CCSER2: variants seen among roughly 807,000 people sequenced by gnomAD.
The protein encoded by CCSER2 is coiled-coil serine rich protein 2.
A neutral mutation model predicts 92.3 loss-of-function variants in CCSER2; 46 were observed. The observed-to-expected ratio is 0.50, with a 90% CI of 0.39 to 0.64. The LOEUF (loss-of-function observed/expected upper bound fraction) is 0.64. CCSER2 is among the 30% of genes least tolerant of loss of function. The pLI is 0.00. For synonymous variants in CCSER2, 433 were observed against 431.4 expected (o/e 1.00, Z -0.04); for missense variants, 1,244 against 1,238.9 (o/e 1.00, Z -0.06).
rs538159223 is a variant in CCSER2 at position 84,361,384 on chromosome 10, G to A, written c.-39-9630G>A. Among the ~76,000 whole-genome samples, 121 of 152,220 alleles carry A rather than the reference G, an allele frequency of 7.9e-4. 3 individuals are homozygous for A. The South Asian group carries it at 0.024, about 30-fold the overall frequency. ...GCCTTACAATAACAGCTTTCTGATG[G>A]GCTTATGAAAGGTTATGATTTTGAA... On this transcript the variant is annotated intron_variant, in intron 1 of 9. Transcript: ENST00000372088.
intron 1 of CCSER2, among the ~76,000 whole-genome samples, chr10:84,353,980 T>C (rs75370071): frequency 0.058 from 8,857 of 152,162 alleles, 372 homozygotes; most frequent in Admixed American, 0.1. Context: ...GGTGGATTAC[T>C]TGAGCTCTGG....
intron 7 of CCSER2, among the ~76,000 whole-genome samples, chr10:84,465,851 C>T (rs1285278003): frequency 2.6e-5 from 4 of 151,796 alleles, no homozygotes; most frequent in Non-Finnish European, 5.9e-5. Context: ...CCTGGGTTCA[C>T]GCCATTCTTC....
rs750601973 is a variant in CCSER2 at position 84,373,596 on chromosome 10, CA to C, written c.1418-22del. The C allele has an allele frequency of 3.2e-6, 5 of 1,548,788 alleles. No individual in the cohort carries two copies. In the South Asian group the frequency reaches 5.7e-5, roughly 18 times the overall value. On this transcript the variant is annotated intron_variant, in intron 2 of 9. Coordinates refer to ENST00000372088, the MANE Select transcript of CCSER2 (RefSeq NM_001284240.2). ...GAGAAACAATTATATTTTTGTGAAT[CA>C]GTAACCTTTTTTCTCTTGAAGACAG...
chr10:84,447,162 A>G (rs1443703068), intron 6 of CCSER2, among the ~76,000 whole-genome samples: 1 of 152,208 alleles, frequency 6.6e-6, no homozygotes, highest in African/African-American at 2.4e-5. Context: ...AGTTTACCCT[A>G]GAAAAACCAA....
chr10:84,501,840 TATATATATATATATATATACTC>T (rs960905612), intron 9 of CCSER2, among the ~76,000 whole-genome samples: 19 of 90,868 alleles, frequency 2.1e-4, no homozygotes, highest in African/African-American at 5.6e-4. Flanking sequence ...AAAAAATATA[TATATATATATATATATATACTC>T]ATATATATAT....
intron 3 of CCSER2, among the ~76,000 whole-genome samples, chr10:84,417,251 T>A (rs1333573524): frequency 6.6e-6 from 1 of 152,212 alleles, no homozygotes; most frequent in Admixed American, 6.5e-5. Flanking sequence ...TCTAGTCTTA[T>A]CATAGAAAAA....
chr10:84,428,300 T>G (rs559170721), intron 5 of CCSER2, among the ~76,000 whole-genome samples: 186 of 152,182 alleles, frequency 1.2e-3, no homozygotes, highest in Non-Finnish European at 2.2e-3. Flanking sequence ...TAGATTCTCA[T>G]AAGGGGTGTT....
At chr10:84,415,877 G>A (rs547612924) in intron 3 of CCSER2, among the ~76,000 whole-genome samples, 303 of 152,302 alleles carry the variant, frequency 2.0e-3, no homozygotes, top group Non-Finnish European at 3.6e-3. Flanking sequence ...GGGTCTTAAC[G>A]TGTAAGGTGC....
At chr10:84,503,637 A>G (rs1204337246) in intron 9 of CCSER2, among the ~76,000 whole-genome samples, 1 of 152,230 alleles carries the variant, frequency 6.6e-6, no homozygotes, top group Non-Finnish European at 1.5e-5. Flanking sequence ...TGACTTTTCA[A>G]AAAGTATGTT....
chr10:84,455,866 C>T (rs1845586885), intron 6 of CCSER2: 2 of 730,290 alleles, frequency 2.7e-6, no homozygotes, highest in Admixed American at 1.8e-5. Flanking sequence ...CGGGAGCAAC[C>T]ACAGCATCTG....
chr10:84,378,663 GACCTCAGGTGATCC>G (rs1390325838), intron 3 of CCSER2, among the ~76,000 whole-genome samples: 1 of 152,078 alleles, frequency 6.6e-6, no homozygotes, highest in African/African-American at 2.4e-5. Context: ...TCGAACTCCT[GACCTCAGGTGATCC>G]ACCCGCCTTG....
At chr10:84,401,474 C>T (rs1842116474) in intron 3 of CCSER2, among the ~76,000 whole-genome samples, 1 of 152,090 alleles carries the variant, frequency 6.6e-6, no homozygotes, top group Non-Finnish European at 1.5e-5. Context: ...GCACAAACTA[C>T]TAAACTTCAC....
At chr10:84,497,396 T>G (rs954130136) in intron 9 of CCSER2, among the ~76,000 whole-genome samples, 1 of 152,254 alleles carries the variant, frequency 6.6e-6, no homozygotes, top group African/African-American at 2.4e-5. Context: ...TGGGTGCCCC[T>G]TGGCGGTGGC....
In CCSER2 at chr10:84,425,791, A is replaced by G. The variant is rs1170361252; in HGVS notation, c.1766A>G (p.Glu589Gly). Residue 589 changes from glutamate to glycine, a missense_variant, in exon 5 of 10, where the codon GAA becomes GGA. Transcript: ENST00000372088. ...GACAGAAATGTTCGGCAGCCTCAGG[A>G]AGGTTTTTGGAAAAGGCCACCCCAG... ...RPDRNVRQPQEGFWKRPPQRW... is the reference protein window; with the variant it reads ...RPDRNVRQPQGGFWKRPPQRW... 4 of 1,613,726 alleles carry G rather than the reference A, an allele frequency of 2.5e-6. No homozygotes were observed. The East Asian group carries it at 8.9e-5, about 36-fold the overall frequency.
rs768525751 is a variant in CCSER2, at chr10:84,372,374, A to G, written c.1322A>G (p.His441Arg). ...PEEMSLKEEKHENGPPQDMFD... is the reference protein window; with the variant it reads ...PEEMSLKEEKRENGPPQDMFD... ...GAAATGTCTCTCAAAGAAGAGAAAC[A>G]TGAAAATGGGCCACCACAGGATATG... The change falls in exon 2 of 10, where the codon CAT becomes CGT. Residue 441 changes from histidine (H) to arginine (R), a missense_variant. Physicochemically the swap from His to Arg is conservative, Grantham distance 29 (BLOSUM62 0). Transcript: ENST00000372088. 7 of 1,612,560 alleles carry G rather than the reference A, an allele frequency of 4.3e-6. No homozygotes were observed. The highest frequency in any genetic ancestry group is 2.2e-5 in the South Asian group (2 of 90,692).
chr10:84,508,108 C>A (rs1054605787), intron 9 of CCSER2, among the ~76,000 whole-genome samples: 3 of 152,212 alleles, frequency 2.0e-5, no homozygotes, highest in African/African-American at 7.2e-5. Flanking sequence ...AAGAAATTAT[C>A]TGATGGTTCA....
intron 3 of CCSER2, among the ~76,000 whole-genome samples, chr10:84,403,676 A>G (rs193281831): frequency 6.6e-6 from 1 of 152,338 alleles, no homozygotes; most frequent in African/African-American, 2.4e-5. Flanking sequence ...GGACATGGAA[A>G]GACATTCATC....
chr10:84,512,367 A>AGT (rs141667701), intron 9 of CCSER2, among the ~76,000 whole-genome samples: 2,094 of 139,594 alleles, frequency 0.015, 41 homozygotes, highest in Admixed American at 0.045. Context: ...TTATTTAAAC[A>AGT]GTGTGTGTGT....
intron 6 of CCSER2, chr10:84,455,203 CT>C: frequency 5.8e-6 from 1 of 172,616 alleles, no homozygotes; most frequent in Non-Finnish European, 1.3e-5. Context: ...GAACAGCAGT[CT>C]TTTTCAACCT....
Sources: allele counts gnomAD v4.1 joint callset (sites outside exome capture counted in the v4.1 genomes callset), GRCh38; gene constraint gnomAD v4.1.1; transcripts MANE v1.5; gene names NCBI Gene and HGNC (gene_info 2026-07-23, HGNC 2026-07-21).